The following ARSG variants were observed in gnomAD, a reference collection of about 807,000 sequenced individuals.
The protein encoded by ARSG is ASG.
Under a neutral mutation model 50.5 loss-of-function variants are expected in ARSG, and 37 were observed. The ratio of observed to expected loss-of-function variants is 0.73; its 90% CI spans 0.56 to 0.96. The LOEUF (loss-of-function observed/expected upper bound fraction) is 0.96, where lower values mean the gene tolerates loss of function less well. ARSG is among the 50% of genes least tolerant of loss of function. ARSG has a pLI of 0.00. For missense variants in ARSG, 629 were observed against 675.3 expected, an observed-to-expected ratio of 0.93 and a Z score of 0.76; for synonymous variants, 225 against 254.6, an observed-to-expected ratio of 0.88 and a Z score of 1.11.
the ARSG span, among the ~76,000 whole-genome samples, chr17:68,433,266 T>G: frequency 6.6e-6 from 1 of 152,242 alleles, no homozygotes; most frequent in Non-Finnish European, 1.5e-5. Context: ...GGACGTGAAC[T>G]CACGTGGGTG....
intron 2 of ARSG, among the ~76,000 whole-genome samples, chr17:68,315,262 C>G (rs1475412840): frequency 6.6e-6 from 1 of 152,106 alleles, no homozygotes; most frequent in Non-Finnish European, 1.5e-5. Flanking sequence ...GAGCAGGAGG[C>G]CAGGCGTGGT....
chr17:68,272,911 T>C (rs12937152), intron 1 of ARSG: 226 of 964,504 alleles, frequency 2.3e-4, no homozygotes, highest in Non-Finnish European at 2.9e-4. Context: ...ACAAAGGTGA[T>C]GTTGCAAAGA....
the ARSG span, among the ~76,000 whole-genome samples, chr17:68,442,944 A>C: frequency 6.6e-6 from 1 of 152,320 alleles, no homozygotes; most frequent in Non-Finnish European, 1.5e-5. Context: ...TGCAATAGAT[A>C]CTTGTCCAGA....
At chr17:68,314,183 G>C (rs533398719) in intron 2 of ARSG, among the ~76,000 whole-genome samples, 27 of 152,204 alleles carry the variant, frequency 1.8e-4, no homozygotes, top group African/African-American at 6.5e-4. Context: ...TCTTCTGTAA[G>C]TGGGGACAAT....
At chr17:68,435,617 C>T in the ARSG span, 1 of 1,614,056 alleles carries the variant, frequency 6.2e-7, no homozygotes, top group Admixed American at 1.7e-5. Context: ...GGAGTGGACT[C>T]ACTTTTTCAG....
chr17:68,297,706 ATC>A (rs2076256880), intron 1 of ARSG, among the ~76,000 whole-genome samples: 1 of 152,086 alleles, frequency 6.6e-6, no homozygotes, highest in Non-Finnish European at 1.5e-5. Flanking sequence ...GGGTCAGGTG[ATC>A]CTCCTGTCTC....
chr17:68,333,171 A>G (rs903272924), intron 2 of ARSG, among the ~76,000 whole-genome samples: 2 of 151,990 alleles, frequency 1.3e-5, no homozygotes, highest in African/African-American at 2.4e-5. Context: ...AACAACAAAA[A>G]ATTAGCCAGG....
At chr17:68,368,834 C>A in intron 7 of ARSG, 90 bp downstream of exon 7, 1 of 1,411,630 alleles carries the variant, frequency 7.1e-7, no homozygotes, top group Non-Finnish European at 9.8e-7. Context: ...CCCCGTGATC[C>A]CCTTTCATAG....
At chr17:68,427,018 A>G, downstream of ARSG, 1 of 805,424 alleles carries the variant, frequency 1.2e-6, no homozygotes, top group Non-Finnish European at 2.0e-6. Flanking sequence ...GGGGAAGGGG[A>G]GGGAGGGCAC....
In ARSG at chr17:68,368,529, C is replaced by A; in HGVS notation, c.705-19C>A. The A allele has an allele frequency of 6.2e-7, 1 of 1,611,424 alleles. No individual in the cohort carries two copies. The highest frequency in any genetic ancestry group is 1.1e-5 in the South Asian group (1 of 90,848). ...AGGAGAGCCTTCTGCAGAGTCACCT[C>A]TTGGTTCTCCTGTTTCAGCACCAGC... On this transcript the variant is annotated intron_variant, in intron 6 of 11. Transcript: ENST00000621439.
chr17:68,380,405 G>A (rs2080375654), intron 8 of ARSG, among the ~76,000 whole-genome samples: 1 of 151,868 alleles, frequency 6.6e-6, no homozygotes, highest in Non-Finnish European at 1.5e-5. Context: ...CCAAGTAGCT[G>A]GGACTACCAC....
chr17:68,439,031 C>T, the ARSG span, among the ~76,000 whole-genome samples: 7 of 152,244 alleles, frequency 4.6e-5, no homozygotes, highest in African/African-American at 1.7e-4. Context: ...TCTTATGCAC[C>T]GCTGGTGGGA....
intron 2 of ARSG, among the ~76,000 whole-genome samples, chr17:68,326,606 G>A (rs1367633211): frequency 2.6e-5 from 4 of 152,156 alleles, no homozygotes; most frequent in Non-Finnish European, 5.9e-5. Flanking sequence ...CGGAGGTTGT[G>A]GTCAGCCGAG....
the ARSG span, among the ~76,000 whole-genome samples, chr17:68,435,983 C>A: frequency 6.6e-6 from 1 of 152,240 alleles, no homozygotes; most frequent in Non-Finnish European, 1.5e-5. Flanking sequence ...CCGTCGCAGG[C>A]GCGCCCTGCA....
chr17:68,278,617 CTTT>C (rs56870988), intron 1 of ARSG, among the ~76,000 whole-genome samples: 1,700 of 111,964 alleles, frequency 0.015, 33 homozygotes, highest in African/African-American at 0.058. Flanking sequence ...TTTCTTTTTC[CTTT>C]TTTTTTTTTT....
Position 68,315,526 on chromosome 17 carries a change from C to CA in ARSG, c.218+7825dup, listed in dbSNP as rs1285326591. Among the ~76,000 whole-genome samples, 162 of 145,550 alleles carry CA rather than the reference C, an allele frequency of 1.1e-3. 1 individual carries two copies. Among genetic ancestry groups the CA allele is most frequent in the Middle Eastern group, 3.5e-3 (1 of 286 alleles). ...TGGGTGATGGAGTGAAATCCTGTCT[C>CA]AAAAAAAAAAGGAGATTGGAATCTC... On this transcript the variant is annotated intron_variant, in intron 2 of 11. Transcript: ENST00000621439.
At chr17:68,326,299 G>T (rs945664963) in intron 2 of ARSG, among the ~76,000 whole-genome samples, 1 of 152,222 alleles carries the variant, frequency 6.6e-6, no homozygotes, top group Admixed American at 6.5e-5. Context: ...GCCCTGTGGA[G>T]ACCAGAGCAG....
At chr17:68,342,423 G>A (rs1037022631) in intron 2 of ARSG, among the ~76,000 whole-genome samples, 7 of 147,008 alleles carry the variant, frequency 4.8e-5, no homozygotes, top group Non-Finnish European at 9.0e-5. Flanking sequence ...GTGTGATCTC[G>A]GCTCACTGCA....
chr17:68,371,588 A>G (rs1271583834), intron 8 of ARSG, among the ~76,000 whole-genome samples: 1 of 152,164 alleles, frequency 6.6e-6, no homozygotes, highest in African/African-American at 2.4e-5. Context: ...TGACATATGG[A>G]CCAAATGCTT....
Sources: gnomAD v4.1 joint callset for allele counts (sites outside exome capture counted in the v4.1 genomes callset) on GRCh38, gnomAD v4.1.1 for gene constraint, MANE v1.5 for transcripts, NCBI Gene and HGNC (gene_info 2026-07-23, HGNC 2026-07-21) for gene names.